The following KLF12 variants were observed in gnomAD, a reference collection of about 807,000 sequenced individuals.
KLF12 encodes Krueppel-like factor 12.
In KLF12, 9 loss-of-function variants were observed where a neutral mutation model predicts 37.8. The ratio of observed to expected loss-of-function variants is 0.24; its 90% CI spans 0.14 to 0.42. The LOEUF (loss-of-function observed/expected upper bound fraction) is 0.42. KLF12 is among the 10% of genes least tolerant of loss of function. The probability of loss-of-function intolerance (pLI) is 1.00; values close to 1 mark genes in which losing one functional copy is unlikely to be tolerated. For missense variants in KLF12, 411 were observed against 516.0 expected (o/e 0.80, Z 1.97); for synonymous variants, 208 against 202.1 (o/e 1.03, Z -0.25).
intron 2 of KLF12, among the ~76,000 whole-genome samples, chr13:73,948,990 G>T (rs1032038154): frequency 2.0e-5 from 3 of 152,150 alleles, no homozygotes; most frequent in African/African-American, 7.2e-5. Context: ...CAGATCATGT[G>T]CCAAGAGCTG....
Position 74,074,630 on chromosome 13 carries a change from A to AT in KLF12, c.-32+59108dup, listed in dbSNP as rs561667829. ...CACATTGGCCATGAATTTCCTTTTTATTTTTTAACTTTTATCTTAGGTTTG... is the reference window on the plus strand; with the variant it reads ...CACATTGGCCATGAATTTCCTTTTTATTTTTTTAACTTTTATCTTAGGTTTG... On this transcript the variant is annotated intron_variant, in intron 1 of 7. Coordinates refer to ENST00000377669, the MANE Select transcript of KLF12 (RefSeq NM_007249.5). Among the ~76,000 whole-genome samples the AT allele has an allele frequency of 5.3e-5, 8 of 152,092 alleles. No individual in the cohort carries two copies. The South Asian group carries it at 1.5e-3, about 28-fold the overall frequency.
chr13:73,798,468 G>A (rs2138324848), intron 5 of KLF12, among the ~76,000 whole-genome samples: 1 of 151,992 alleles, frequency 6.6e-6, no homozygotes, highest in East Asian at 1.9e-4. Context: ...GACCATCGAT[G>A]GAGTAAAAAA....
chr13:73,726,113 A>G (rs1876649961), intron 6 of KLF12, among the ~76,000 whole-genome samples: 1 of 152,100 alleles, frequency 6.6e-6, no homozygotes, highest in African/African-American at 2.4e-5. Flanking sequence ...TCGGCCTCCC[A>G]AAGTGCTGGG....
chr13:73,844,122 AT>A (rs1033435741), intron 4 of KLF12, among the ~76,000 whole-genome samples: 1 of 152,112 alleles, frequency 6.6e-6, no homozygotes, highest in South Asian at 2.1e-4. Context: ...TAATAAAATA[AT>A]TTTTATCTTA....
At chr13:74,238,064 T>C in the KLF12 span, among the ~76,000 whole-genome samples, 2 of 141,056 alleles carry the variant, frequency 1.4e-5, no homozygotes, top group Admixed American at 6.7e-5. Context: ...CAGTATGATA[T>C]TGGCTGTGGG....
chr13:73,798,163 A>G (rs978042479), intron 5 of KLF12, among the ~76,000 whole-genome samples: 1 of 152,202 alleles, frequency 6.6e-6, no homozygotes, highest in African/African-American at 2.4e-5. Context: ...GAAACGAGCA[A>G]TGGGGAAAAG....
Position 74,013,244 on chromosome 13 carries a change from G to GA in KLF12, c.-31-18192dup, listed in dbSNP as rs532522562. Reference sequence around the variant, plus strand: ...TTCCCATCATTCTCCAAGTGTCAGAGAAAATCACTATCTCAGCATACCTAT... The same window carrying GA: ...TTCCCATCATTCTCCAAGTGTCAGAGAAAAATCACTATCTCAGCATACCTAT... On this transcript the variant is annotated intron_variant, in intron 1 of 7. Transcript: ENST00000377669. Among the ~76,000 whole-genome samples, 539 of 152,324 alleles carry GA rather than the reference G, an allele frequency of 3.5e-3. 2 individuals are homozygous for GA. Among genetic ancestry groups the GA allele is most frequent in the Non-Finnish European group, 5.6e-3 (379 of 68,022 alleles).
intron 1 of KLF12, among the ~76,000 whole-genome samples, chr13:74,028,245 G>T (rs572163853): frequency 6.6e-6 from 1 of 152,098 alleles, no homozygotes; most frequent in African/African-American, 2.4e-5. Flanking sequence ...ATGGAAACAC[G>T]ATTTATAATC....
the KLF12 span, among the ~76,000 whole-genome samples, chr13:74,291,732 T>C: frequency 1.3e-5 from 2 of 152,232 alleles, no homozygotes; most frequent in South Asian, 2.1e-4. Flanking sequence ...TATACATATA[T>C]GTATCTACAC....
intron 1 of KLF12, among the ~76,000 whole-genome samples, chr13:74,081,200 G>T (rs935212140): frequency 3.2e-4 from 48 of 152,158 alleles, no homozygotes; most frequent in African/African-American, 1.2e-3. Flanking sequence ...TCTTAAGCAA[G>T]ATACTGACTT....
chr13:73,735,077 T>C (rs1403793174), intron 6 of KLF12, among the ~76,000 whole-genome samples: 1 of 145,824 alleles, frequency 6.9e-6, no homozygotes, highest in Non-Finnish European at 1.5e-5. Context: ...CACTTGAGCC[T>C]AGTAGTTCAA....
At chr13:74,042,436 C>T (rs777226504) in intron 1 of KLF12, among the ~76,000 whole-genome samples, 7 of 152,246 alleles carry the variant, frequency 4.6e-5, no homozygotes, top group South Asian at 2.1e-4. Context: ...TAGCATTTCA[C>T]CCTGCCAGGT....
At chr13:74,097,716 G>T (rs143316849) in intron 1 of KLF12, among the ~76,000 whole-genome samples, 1 of 145,120 alleles carries the variant, frequency 6.9e-6, no homozygotes, top group Non-Finnish European at 1.5e-5. Context: ...ATATGTATTT[G>T]TGTGTGTGTG....
intron 3 of KLF12, among the ~76,000 whole-genome samples, chr13:73,911,339 TATTAAA>T (rs1462714766): frequency 6.6e-6 from 1 of 152,226 alleles, no homozygotes; most frequent in Non-Finnish European, 1.5e-5. Flanking sequence ...ATTTCATGGC[TATTAAA>T]ATTAAAAAGT....
At chr13:74,107,236 G>A (rs1378393080) in intron 1 of KLF12, among the ~76,000 whole-genome samples, 2 of 152,188 alleles carry the variant, frequency 1.3e-5, no homozygotes, top group East Asian at 3.9e-4. Context: ...TGGAGATTAA[G>A]TTTCAACATA....
At chr13:74,112,130 A>G (rs1250207282) in intron 1 of KLF12, among the ~76,000 whole-genome samples, 1 of 152,152 alleles carries the variant, frequency 6.6e-6, no homozygotes, top group Admixed American at 6.5e-5. Context: ...CTGTTTTTGA[A>G]AGGCATGCTC....
intron 3 of KLF12, among the ~76,000 whole-genome samples, chr13:73,926,847 T>C (rs1439446089): frequency 6.6e-6 from 1 of 151,200 alleles, no homozygotes; most frequent in East Asian, 1.9e-4. Context: ...ATCATTTCAG[T>C]AAAATGGAGA....
the KLF12 span, among the ~76,000 whole-genome samples, chr13:74,235,714 G>A: frequency 6.6e-6 from 1 of 152,076 alleles, no homozygotes; most frequent in Non-Finnish European, 1.5e-5. Context: ...TTTGAAGTAT[G>A]TAAGACATAT....
At chr13:73,909,268 A>T (rs747292728) in intron 3 of KLF12, among the ~76,000 whole-genome samples, 1 of 152,192 alleles carries the variant, frequency 6.6e-6, no homozygotes, top group Non-Finnish European at 1.5e-5. Context: ...AGCATAAAGC[A>T]CTTGTCAGAA....
Sources: allele counts gnomAD v4.1 joint callset (sites outside exome capture counted in the v4.1 genomes callset), GRCh38; gene constraint gnomAD v4.1.1; transcripts MANE v1.5; gene names NCBI Gene and HGNC (gene_info 2026-07-23, HGNC 2026-07-21).